RSRC1: variants seen among roughly 807,000 people sequenced by gnomAD.
RSRC1 encodes serine/Arginine-related protein 53.
A neutral mutation model predicts 49.1 loss-of-function variants in RSRC1; 39 were observed. The observed-to-expected ratio is 0.79, with a 90% CI of 0.61 to 1.04. The LOEUF (loss-of-function observed/expected upper bound fraction) is 1.04. Ranked by LOEUF, RSRC1 falls within the 50% of genes least tolerant of loss-of-function variation. The pLI is 0.00. For synonymous variants in RSRC1, 143 were observed against 130.8 expected, an observed-to-expected ratio of 1.09 and a Z score of -0.63; for missense variants, 388 against 402.4, an observed-to-expected ratio of 0.96 and a Z score of 0.31.
intron 6 of RSRC1, among the ~76,000 whole-genome samples, chr3:158,445,218 G>A (rs570561216): frequency 5.3e-5 from 8 of 152,130 alleles, no homozygotes; most frequent in Admixed American, 2.0e-4. Context: ...TGTTTATTGC[G>A]GCACTATTCA....
chr3:158,147,678 A>C (rs1387155762), intron 3 of RSRC1, among the ~76,000 whole-genome samples: 1 of 152,176 alleles, frequency 6.6e-6, no homozygotes, highest in Non-Finnish European at 1.5e-5. Flanking sequence ...TTTAAAAAGT[A>C]TTTCCTGAAT....
intron 4 of RSRC1, among the ~76,000 whole-genome samples, chr3:158,214,320 T>C (rs1200456562): frequency 6.6e-6 from 1 of 151,846 alleles, no homozygotes; most frequent in Non-Finnish European, 1.5e-5. Flanking sequence ...AATTTTTGTG[T>C]GACCTGTAGT....
At chr3:158,228,781 G>C (rs1210630295) in intron 4 of RSRC1, among the ~76,000 whole-genome samples, 1 of 151,542 alleles carries the variant, frequency 6.6e-6, no homozygotes, top group Non-Finnish European at 1.5e-5. Context: ...ATATATGTGT[G>C]TGTGTATATA....
intron 6 of RSRC1, among the ~76,000 whole-genome samples, chr3:158,396,919 C>T (rs1406472665): frequency 6.6e-6 from 1 of 152,032 alleles, no homozygotes; most frequent in Admixed American, 6.6e-5. Context: ...TGAAGAGATA[C>T]CTTTATTAAC....
intron 6 of RSRC1, among the ~76,000 whole-genome samples, chr3:158,448,854 A>G (rs1736872305): frequency 6.6e-6 from 1 of 151,980 alleles, no homozygotes; most frequent in South Asian, 2.1e-4. Context: ...AAGACGTGAC[A>G]CAGAATAAAA....
chr3:158,140,956 C>T (rs980220682), intron 3 of RSRC1, among the ~76,000 whole-genome samples: 5 of 152,196 alleles, frequency 3.3e-5, no homozygotes, highest in African/African-American at 9.6e-5. Flanking sequence ...AAGCAAAGCT[C>T]TCAGGCACCA....
In RSRC1 at chr3:158,258,811, T is replaced by A. The variant is rs182686841; in HGVS notation, c.495-39228T>A. ...CTCCAAGCTCAGTAGTTCTTTCTTC[T>A]GCTTGATCGGTTCTGCTAAGAGACT... On this transcript the variant is annotated intron_variant, in intron 4 of 9. Transcript: ENST00000611884. Among the ~76,000 whole-genome samples the A allele has an allele frequency of 5.4e-3, 820 of 152,270 alleles. 10 individuals are homozygous for A. The highest frequency in any genetic ancestry group is 4.5e-3 in the Non-Finnish European group (309 of 68,016).
intron 3 of RSRC1, among the ~76,000 whole-genome samples, chr3:158,159,036 C>T (rs967281194): frequency 6.6e-6 from 1 of 152,002 alleles, no homozygotes; most frequent in Non-Finnish European, 1.5e-5. Flanking sequence ...GTTCTTATTT[C>T]CCAACCAAGA....
intron 3 of RSRC1, among the ~76,000 whole-genome samples, chr3:158,148,095 A>G (rs553824379): frequency 1.3e-5 from 2 of 152,330 alleles, no homozygotes; most frequent in Admixed American, 6.5e-5. Context: ...AACGTGGTAC[A>G]GGTAATTGAT....
intron 3 of RSRC1, among the ~76,000 whole-genome samples, chr3:158,188,040 T>C (rs1297617350): frequency 6.6e-6 from 1 of 151,974 alleles, no homozygotes. Flanking sequence ...GTAGCTATAC[T>C]TTACCAATAT....
At chr3:158,208,990 T>C (rs1045002001) in intron 4 of RSRC1, among the ~76,000 whole-genome samples, 1 of 152,154 alleles carries the variant, frequency 6.6e-6, no homozygotes, top group African/African-American at 2.4e-5. Flanking sequence ...CTTTGAAAAA[T>C]TAGTTGTGAA....
At chr3:158,463,805 G>T (rs1737741287) in intron 7 of RSRC1, among the ~76,000 whole-genome samples, 1 of 152,102 alleles carries the variant, frequency 6.6e-6, no homozygotes, top group Non-Finnish European at 1.5e-5. Context: ...TGACTACTTT[G>T]CCTTCCAGCC....
At chr3:158,471,705 G>A (rs1005935428) in intron 7 of RSRC1, among the ~76,000 whole-genome samples, 1 of 152,128 alleles carries the variant, frequency 6.6e-6, no homozygotes, top group African/African-American at 2.4e-5. Context: ...TACAAGTTGG[G>A]ATGACTCAGA....
intron 3 of RSRC1, among the ~76,000 whole-genome samples, chr3:158,157,127 G>A (rs1717925218): frequency 6.6e-6 from 1 of 152,204 alleles, no homozygotes; most frequent in Non-Finnish European, 1.5e-5. Context: ...GCAGCTTTAT[G>A]AGGGATCCAG....
At chr3:158,514,618 A>G (rs868163377) in intron 7 of RSRC1, among the ~76,000 whole-genome samples, 31 of 152,104 alleles carry the variant, frequency 2.0e-4, no homozygotes, top group African/African-American at 7.5e-4. Flanking sequence ...AGAGTTCTGT[A>G]GATGTCTATT....
chr3:158,398,030 G>T (rs994678614), intron 6 of RSRC1, among the ~76,000 whole-genome samples: 1 of 152,064 alleles, frequency 6.6e-6, no homozygotes, highest in African/African-American at 2.4e-5. Context: ...TGGGAATGGG[G>T]TATAAGACAG....
At chr3:158,377,417 G>A (rs1029338771) in intron 6 of RSRC1, among the ~76,000 whole-genome samples, 12 of 152,148 alleles carry the variant, frequency 7.9e-5, no homozygotes, top group African/African-American at 2.7e-4. Flanking sequence ...TGAATGGCTA[G>A]ATGACCTCCT....
At chr3:158,288,000 G>T (rs1471123735) in intron 4 of RSRC1, among the ~76,000 whole-genome samples, 1 of 152,152 alleles carries the variant, frequency 6.6e-6, no homozygotes, top group East Asian at 1.9e-4. Flanking sequence ...GGGGCATATG[G>T]CTTTTAGCTT....
intron 7 of RSRC1, among the ~76,000 whole-genome samples, chr3:158,475,863 C>A (rs62289513): frequency 0.087 from 13,248 of 152,076 alleles, 643 homozygotes; most frequent in South Asian, 0.15. Flanking sequence ...CCCTCACTTA[C>A]ATCAAAAGCC....
Sources: allele counts gnomAD v4.1 joint callset (sites outside exome capture counted in the v4.1 genomes callset), GRCh38; gene constraint gnomAD v4.1.1; transcripts MANE v1.5; gene names NCBI Gene and HGNC (gene_info 2026-07-23, HGNC 2026-07-21).